ASAP1: variants seen among roughly 807,000 people sequenced by gnomAD.
ASAP1 encodes the protein arf-GAP with SH3 domain, ANK repeat and PH domain-containing protein 1.
ASAP1 carries 43 observed loss-of-function variants against 145.2 expected under a neutral mutation model. That is an observed-to-expected ratio of 0.30 (90% CI 0.23 to 0.38). The LOEUF is 0.38. ASAP1 is among the 10% of genes least tolerant of loss of function. The probability of loss-of-function intolerance (pLI) is 1.00; values close to 1 mark genes in which losing one functional copy is unlikely to be tolerated. For missense variants in ASAP1, 1,018 were observed against 1,355.3 expected (o/e 0.75, Z 3.91); for synonymous variants, 546 against 515.5 (o/e 1.06, Z -0.80).
intron 4 of ASAP1, among the ~76,000 whole-genome samples, chr8:130,222,832 A>C (rs1285032831): frequency 6.6e-6 from 1 of 152,174 alleles, no homozygotes; most frequent in Non-Finnish European, 1.5e-5. Flanking sequence ...TACAGCTAAG[A>C]AGCAGTAGTG....
At chr8:130,242,493 G>C (rs1818599384) in intron 3 of ASAP1, among the ~76,000 whole-genome samples, 1 of 151,988 alleles carries the variant, frequency 6.6e-6, no homozygotes. Context: ...TTTAGACTCT[G>C]ATTACTTCAG....
At chr8:130,150,606 C>T (rs1339920992) in intron 13 of ASAP1, among the ~76,000 whole-genome samples, 3 of 152,202 alleles carry the variant, frequency 2.0e-5, no homozygotes, top group South Asian at 2.1e-4. Flanking sequence ...TGGCCAGGTG[C>T]GGTGGCTCAT....
chr8:130,389,591 T>A (rs1325863635), intron 2 of ASAP1, among the ~76,000 whole-genome samples: 3 of 152,134 alleles, frequency 2.0e-5, no homozygotes, highest in Non-Finnish European at 4.4e-5. Flanking sequence ...CCAGAGAGGG[T>A]AGAGTGTGAT....
In ASAP1 at chr8:130,072,822, T is replaced by TGTGTGTGTGTGTGTGTGTGTGTGTGTGC. The variant is rs1554816353; in HGVS notation, c.2701+3525_2701+3526insGCACACACACACACACACACACACACAC. ...GTGTGTGTGTGTGTGTGTGTGTGTGTGTGCGCGCGGGGGGGGGCAGTTTTG... is the reference window on the plus strand; with the variant it reads ...GTGTGTGTGTGTGTGTGTGTGTGTGTGTGTGTGTGTGTGTGTGTGTGTGTGTGCGTGCGCGCGGGGGGGGGCAGTTTTG... On this transcript the variant is annotated intron_variant, in intron 27 of 29. Coordinates refer to ENST00000518721, the MANE Select transcript of ASAP1 (RefSeq NM_018482.4). Among the ~76,000 whole-genome samples the TGTGTGTGTGTGTGTGTGTGTGTGTGTGC allele has an allele frequency of 7.7e-5, 2 of 26,036 alleles. 1 individual carries two copies. Among genetic ancestry groups the TGTGTGTGTGTGTGTGTGTGTGTGTGTGC allele is most frequent in the African/African-American group, 2.8e-4 (2 of 7,208 alleles). 17.1% of individuals were successfully genotyped at this position (26,036 alleles called of 152,430 possible).
At chr8:130,080,289 A>C (rs561515439) in intron 25 of ASAP1, among the ~76,000 whole-genome samples, 3 of 152,168 alleles carry the variant, frequency 2.0e-5, no homozygotes, top group Admixed American at 6.5e-5. Flanking sequence ...GGGTAGAGAA[A>C]GAAGAATAAA....
intron 3 of ASAP1, among the ~76,000 whole-genome samples, chr8:130,261,657 G>A (rs1819906091): frequency 6.6e-6 from 1 of 152,118 alleles, no homozygotes; most frequent in African/African-American, 2.4e-5. Flanking sequence ...TCAGGTGGAA[G>A]TACCCTGAGG....
At chr8:130,435,017 T>C (rs919430989) in intron 1 of ASAP1, among the ~76,000 whole-genome samples, 17 of 152,168 alleles carry the variant, frequency 1.1e-4, no homozygotes, top group African/African-American at 4.1e-4. Context: ...AGAAGGCACG[T>C]TGGCTGCTGG....
At chr8:130,072,664 T>C (rs1459025547) in intron 27 of ASAP1, among the ~76,000 whole-genome samples, 2 of 151,806 alleles carry the variant, frequency 1.3e-5, no homozygotes, top group African/African-American at 4.8e-5. Context: ...TATGATAAAC[T>C]GGTAAATGTG....
chr8:130,417,105 C>T (rs1829507248), intron 1 of ASAP1, among the ~76,000 whole-genome samples: 1 of 152,178 alleles, frequency 6.6e-6, no homozygotes, highest in Admixed American at 6.5e-5. Flanking sequence ...TGCACACATA[C>T]ACACAGAAGT....
intron 3 of ASAP1, among the ~76,000 whole-genome samples, chr8:130,310,154 G>C (rs1296696469): frequency 2.4e-5 from 3 of 125,174 alleles, no homozygotes; most frequent in Non-Finnish European, 3.4e-5. Flanking sequence ...GGGGAGGGGG[G>C]TGAGGGGAGG....
chr8:130,296,607 C>T (rs1304792221), intron 3 of ASAP1, among the ~76,000 whole-genome samples: 1 of 151,408 alleles, frequency 6.6e-6, no homozygotes, highest in African/African-American at 2.4e-5. Context: ...CCTTCTGGCC[C>T]TCACATATTT....
intron 4 of ASAP1, among the ~76,000 whole-genome samples, chr8:130,215,995 GAAA>G (rs1816892807): frequency 7.6e-6 from 1 of 131,056 alleles, no homozygotes; most frequent in Non-Finnish European, 1.6e-5. Flanking sequence ...GAAAGGAAAG[GAAA>G]GGAAAGGAAA....
intron 3 of ASAP1, among the ~76,000 whole-genome samples, chr8:130,330,436 T>G (rs1053622147): frequency 6.6e-6 from 1 of 152,254 alleles, no homozygotes; most frequent in Non-Finnish European, 1.5e-5. Context: ...CGGTCTATGC[T>G]ATATTGCAGC....
In ASAP1 at chr8:130,328,831, T is replaced by C. The variant is rs1316444970; in HGVS notation, c.186+29186A>G. Among the ~76,000 whole-genome samples, 3 of 152,120 alleles carry C rather than the reference T, an allele frequency of 2.0e-5. No homozygotes were observed. The East Asian group carries it at 5.8e-4, about 29-fold the overall frequency. On this transcript the variant is annotated intron_variant, in intron 3 of 29. Transcript: ENST00000518721. ...TTTTGTAGAGATGGTGGTCTCCCTA[T>C]GTCGCTCAGGTTGGTCTCAAACTTC...
At chr8:130,315,730 A>C (rs1370925354) in intron 3 of ASAP1, among the ~76,000 whole-genome samples, 3 of 152,230 alleles carry the variant, frequency 2.0e-5, no homozygotes, top group Non-Finnish European at 4.4e-5. Context: ...AAATGGAATG[A>C]CTATTACAGT....
At chr8:130,311,760 T>TAAAAAAAAAA (rs1823361313) in intron 3 of ASAP1, among the ~76,000 whole-genome samples, 3 of 14,440 alleles carry the variant, frequency 2.1e-4, no homozygotes, top group African/African-American at 8.3e-4. Flanking sequence ...AAACTCCGTC[T>TAAAAAAAAAA]CAAAAAAAAA....
intron 3 of ASAP1, among the ~76,000 whole-genome samples, chr8:130,304,335 T>C (rs1203368296): frequency 6.6e-6 from 1 of 152,062 alleles, no homozygotes; most frequent in South Asian, 2.1e-4. Context: ...ACACCTAATA[T>C]CCAAAGAGTC....
chr8:130,231,313 G>A (rs1257548358), intron 4 of ASAP1, among the ~76,000 whole-genome samples: 3 of 152,134 alleles, frequency 2.0e-5, no homozygotes, highest in Non-Finnish European at 4.4e-5. Flanking sequence ...CTGCAAAACT[G>A]TTTATAACAA....
At chr8:130,307,065 T>C (rs1823038706) in intron 3 of ASAP1, among the ~76,000 whole-genome samples, 1 of 152,308 alleles carries the variant, frequency 6.6e-6, no homozygotes, top group South Asian at 2.1e-4. Context: ...TACTAAGTTT[T>C]TTCCACCCTC....
Sources: gnomAD v4.1 joint callset for allele counts (sites outside exome capture counted in the v4.1 genomes callset) on GRCh38, gnomAD v4.1.1 for gene constraint, MANE v1.5 for transcripts, NCBI Gene and HGNC (gene_info 2026-07-23, HGNC 2026-07-21) for gene names.